GRK5: variants seen among roughly 807,000 people sequenced by gnomAD.
GRK5 encodes the protein G protein-coupled receptor kinase 5.
A neutral mutation model predicts 78.4 loss-of-function variants in GRK5; 40 were observed. The ratio of observed to expected loss-of-function variants is 0.51; its 90% CI spans 0.40 to 0.66. GRK5 has a LOEUF of 0.66. GRK5 is among the 30% of genes least tolerant of loss of function. The pLI is 0.00. For synonymous variants in GRK5, 289 were observed against 296.8 expected, an observed-to-expected ratio of 0.97 and a Z score of 0.27; for missense variants, 598 against 759.9, an observed-to-expected ratio of 0.79 and a Z score of 2.50.
At chr10:119,257,244 C>T (rs569646940) in intron 1 of GRK5, among the ~76,000 whole-genome samples, 1 of 152,292 alleles carries the variant, frequency 6.6e-6, no homozygotes, top group African/African-American at 2.4e-5. Flanking sequence ...TCAGTGTTCT[C>T]CACCTGTAGG....
intron 1 of GRK5, among the ~76,000 whole-genome samples, chr10:119,270,916 C>CA (rs1320391919): frequency 6.6e-6 from 1 of 152,254 alleles, no homozygotes; most frequent in Non-Finnish European, 1.5e-5. Flanking sequence ...AGTGAGTTGG[C>CA]ATGCTGGGCC....
In GRK5 at chr10:119,455,499, A is replaced by C; in HGVS notation, c.*432A>C. The C allele has an allele frequency of 3.0e-6, 1 of 334,178 alleles. No homozygotes were observed. Among genetic ancestry groups the C allele is most frequent in the East Asian group, 9.1e-5 (1 of 10,992 alleles). 20.7% of individuals were successfully genotyped at this position (334,178 alleles called of 1,614,324 possible). On this transcript the variant is annotated 3_prime_UTR_variant, in exon 16 of 16. Coordinates refer to ENST00000392870, the MANE Select transcript of GRK5 (RefSeq NM_005308.3). ...TATATTTTCTGTGCAGCCACTGTTA[A>C]GCCATGTGTTCCAAGGCATTTTAGC...
At chr10:119,317,574 C>T (rs1206526519) in intron 1 of GRK5, among the ~76,000 whole-genome samples, 2 of 152,126 alleles carry the variant, frequency 1.3e-5, no homozygotes, top group Admixed American at 1.3e-4. Flanking sequence ...GGGCCTCATA[C>T]GGTTTGCCCT....
At chr10:119,285,061 G>T (rs1007292285) in intron 1 of GRK5, among the ~76,000 whole-genome samples, 7 of 152,210 alleles carry the variant, frequency 4.6e-5, no homozygotes, top group African/African-American at 1.7e-4. Context: ...TGAGGTTTCA[G>T]ACATAACAGA....
chr10:119,269,272 A>G (rs971632456), intron 1 of GRK5, among the ~76,000 whole-genome samples: 1 of 152,166 alleles, frequency 6.6e-6, no homozygotes, highest in Non-Finnish European at 1.5e-5. Context: ...TTGCTGGAGA[A>G]CAAACAATAG....
rs1386079952 is a variant in GRK5 at position 119,450,381 on chromosome 10, A to T, written c.1404+2121A>T. On this transcript the variant is annotated intron_variant, in intron 13 of 15. Transcript: ENST00000392870. ...CCAAGGGAGATCCCATGGCACACAA[A>T]ACAGTTGGTTGTTTCCAGTCTGAAG... Among the ~76,000 whole-genome samples, 4 of 152,168 alleles carry T rather than the reference A, an allele frequency of 2.6e-5. No homozygotes were observed. In the East Asian group the frequency reaches 7.7e-4, roughly 29 times the overall value.
In GRK5 at chr10:119,442,047, G is replaced by A. The variant is rs143794689; in HGVS notation, c.1016G>A (p.Gly339Glu). 204 of 1,614,032 alleles carry A rather than the reference G, an allele frequency of 1.3e-4. No individual in the cohort carries two copies. Among genetic ancestry groups the A allele is most frequent in the Non-Finnish European group, 1.6e-4 (185 of 1,179,956 alleles). ...GGCTTGGCTGTGAAGATCCCCGAGG[G>A]AGACCTGATCCGCGGCCGGGTGGGC... is the stretch of plus-strand genomic sequence containing the variant. ...DLGLAVKIPE[G>E]DLIRGRVGTV... The change falls in exon 11 of 16, where the codon GGA becomes GAA. Residue 339 changes from glycine to glutamate, a missense_variant. By Grantham distance (98) the Gly-to-Glu change is moderately conservative (BLOSUM62 -2). Transcript: ENST00000392870.
chr10:119,448,194 C>G lies in GRK5; in HGVS notation c.1338C>G (p.Pro446=). ...EEGAAEVKRH[P]FFRNMNFKRL... Reference sequence around the variant, plus strand: ...GGGCTGCAGAGGTCAAGAGACACCCCTTCTTCAGGAACATGAACTTCAAGC... The same window carrying G: ...GGGCTGCAGAGGTCAAGAGACACCCGTTCTTCAGGAACATGAACTTCAAGC... Residue 446 remains proline (P), a synonymous_variant, in exon 13 of 16, where the codon CCC becomes CCG. Transcript: ENST00000392870. 1 of 1,590,960 alleles carries G rather than the reference C, an allele frequency of 6.3e-7. No individual in the cohort carries two copies. Among genetic ancestry groups the G allele is most frequent in the Non-Finnish European group, 8.5e-7 (1 of 1,170,380 alleles).
chr10:119,261,049 T>C (rs1278200896), intron 1 of GRK5, among the ~76,000 whole-genome samples: 9 of 85,924 alleles, frequency 1.0e-4, no homozygotes, highest in East Asian at 3.9e-4. Context: ...CCCCCCCACC[T>C]CCCTCCCGGA....
intron 2 of GRK5, among the ~76,000 whole-genome samples, chr10:119,360,848 G>A (rs1031519461): frequency 8.5e-5 from 13 of 152,208 alleles, no homozygotes; most frequent in African/African-American, 3.1e-4. Flanking sequence ...TGGGAACACA[G>A]CTCCCTTCCT....
chr10:119,344,328 G>A (rs291972), intron 2 of GRK5, among the ~76,000 whole-genome samples: 2 of 151,682 alleles, frequency 1.3e-5, no homozygotes, highest in Non-Finnish European at 2.9e-5. Flanking sequence ...ATCCCTCCCC[G>A]CTTCCCCCAC....
rs1260014916 is a variant in GRK5, at chr10:119,431,629, C to A, written c.738+102C>A. 2 of 1,384,916 alleles carry A rather than the reference C, an allele frequency of 1.4e-6. No individual in the cohort carries two copies. The highest frequency in any genetic ancestry group is 1.5e-5 in the African/African-American group (1 of 68,294). The allele number at this position is 1,384,916 out of a possible 1,614,324, so 85.8% of individuals were successfully genotyped here. A position where few individuals can be genotyped will look rare whatever the true frequency, so the allele number is the denominator to read the frequency against. On this transcript the variant is annotated intron_variant, in intron 8 of 15. Transcript: ENST00000392870. The surrounding 1 kb of genome is among the most constrained non-coding windows in gnomAD (Gnocchi z 4.8). The stretch of plus-strand genomic sequence containing the variant: ...TCCTCTAATGCGGCCGGTCCCCACC[C>A]CTGGGAAGGGGAATGCCAGTGGCAG...
rs779680816 is a variant in GRK5 at position 119,448,104 on chromosome 10, A to G, written c.1267-19A>G. 8.5e-6 allele frequency: 13 copies of G among 1,527,094 alleles called. No individual in the cohort carries two copies. Among genetic ancestry groups the G allele is most frequent in the Non-Finnish European group, 1.1e-5 (13 of 1,142,364 alleles). 94.6% of individuals were successfully genotyped at this position (1,527,094 alleles called of 1,614,324 possible). ...GGAGAGGCCCAGGGGACGTGGCTTC[A>G]TGGGGCTCTCTGTTTCAGCTGCTCA... On this transcript the variant is annotated intron_variant, in intron 12 of 15. Transcript: ENST00000392870.
chr10:119,232,259 T>C (rs1407941270), intron 1 of GRK5, among the ~76,000 whole-genome samples: 1 of 152,180 alleles, frequency 6.6e-6, no homozygotes, highest in Non-Finnish European at 1.5e-5. Flanking sequence ...TTCTCACTTA[T>C]ACGTGGAAGC....
intron 1 of GRK5, among the ~76,000 whole-genome samples, chr10:119,225,824 C>T (rs1468987016): frequency 6.6e-6 from 1 of 150,680 alleles, no homozygotes; most frequent in African/African-American, 2.4e-5. Flanking sequence ...GCATGCACCA[C>T]TGTGCCCGGC....
At chr10:119,386,731 TACGC>T (rs1851801530) in intron 3 of GRK5, among the ~76,000 whole-genome samples, 1 of 152,204 alleles carries the variant, frequency 6.6e-6, no homozygotes, top group Admixed American at 6.5e-5. Context: ...ACACCTCTTT[TACGC>T]ACGGAGACTT....
intron 2 of GRK5, among the ~76,000 whole-genome samples, chr10:119,340,517 A>G (rs1850965541): frequency 6.6e-6 from 1 of 152,272 alleles, no homozygotes; most frequent in Non-Finnish European, 1.5e-5. Context: ...AGGGGAAAAT[A>G]AAAACTGCCA....
intron 1 of GRK5, among the ~76,000 whole-genome samples, chr10:119,277,602 T>G (rs554306456): frequency 1.1e-4 from 17 of 152,296 alleles, no homozygotes; most frequent in Admixed American, 2.0e-4. Context: ...CCACACATAT[T>G]TAAAGAATAT....
chr10:119,353,937 T>C (rs1009626856), intron 2 of GRK5, among the ~76,000 whole-genome samples: 10 of 148,608 alleles, frequency 6.7e-5, no homozygotes, highest in South Asian at 2.1e-4. Flanking sequence ...TCTTTCTTTT[T>C]TTTTTTTTTT....
Sources: gnomAD v4.1 joint callset for allele counts (sites outside exome capture counted in the v4.1 genomes callset) on GRCh38, gnomAD v4.1.1 for gene constraint, Gnocchi (gnomAD v3.1) non-coding constraint, MANE v1.5 for transcripts, NCBI Gene and HGNC (gene_info 2026-07-23, HGNC 2026-07-21) for gene names.